ERC1: variants seen among roughly 807,000 people sequenced by gnomAD.
ERC1 encodes the protein ELKS/RAB6-interacting/CAST family member 1.
In ERC1, 56 loss-of-function variants were observed where a neutral mutation model predicts 132.0. The observed-to-expected ratio is 0.42, with a 90% CI of 0.34 to 0.53. The LOEUF is 0.53. Among genes scored for constraint, ERC1 ranks in the 20% least tolerant of loss-of-function variants. ERC1 has a pLI of 0.03. For synonymous variants in ERC1, 478 were observed against 476.1 expected (o/e 1.00, Z -0.05); for missense variants, 1,202 against 1,349.9 (o/e 0.89, Z 1.72).
At chr12:1,013,280 A>G (rs1415943130) in intron 1 of ERC1, among the ~76,000 whole-genome samples, 1 of 152,294 alleles carries the variant, frequency 6.6e-6, no homozygotes, top group South Asian at 2.1e-4. Context: ...CTGGAGAACA[A>G]CTATGATTAA....
intron 18 of ERC1, among the ~76,000 whole-genome samples, chr12:1,466,380 A>C (rs1451833448): frequency 6.6e-6 from 1 of 152,100 alleles, no homozygotes; most frequent in Non-Finnish European, 1.5e-5. Context: ...ATTTTAACTT[A>C]ATCGCCTCTT....
chr12:1,007,540 C>CTCTCTCTCTCTCTCTCTGTGTGTG (rs1555194875), intron 1 of ERC1, among the ~76,000 whole-genome samples: 17 of 122,780 alleles, frequency 1.4e-4, no homozygotes, highest in African/African-American at 3.0e-4. Flanking sequence ...CTCTCTCTCT[C>CTCTCTCTCTCTCTCTCTGTGTGTG]TGTGTGTGTG....
intron 1 of ERC1, among the ~76,000 whole-genome samples, chr12:1,011,981 T>G (rs566728338): frequency 3.3e-5 from 5 of 152,124 alleles, no homozygotes; most frequent in Non-Finnish European, 4.4e-5. Context: ...TATTGTGTTA[T>G]AAACGTTTTT....
At position 1,259,808 on chromosome 12, in the gene ERC1, C is replaced by G. The variant is rs531883385; in HGVS notation, c.2488-3226C>G. Among the ~76,000 whole-genome samples the G allele has an allele frequency of 6.0e-4, 92 of 152,320 alleles. 1 individual carries two copies. The highest frequency in any genetic ancestry group is 2.1e-3 in the African/African-American group (88 of 41,576). ...AAAGTGCTGGGATTGCAGGCGTGAG[C>G]CACCACGCCCTGCTTTCTTGGGTAT... On this transcript the variant is annotated intron_variant, in intron 13 of 18. Transcript: ENST00000360905.
At chr12:1,160,979 AT>A (rs1566113528) in intron 8 of ERC1, among the ~76,000 whole-genome samples, 1 of 152,214 alleles carries the variant, frequency 6.6e-6, no homozygotes, top group Non-Finnish European at 1.5e-5. Context: ...GTTCTAAGCA[AT>A]GTATGCACTG....
chr12:1,460,971 T>TTTTTTTTTTTC (rs2093633054), intron 18 of ERC1, among the ~76,000 whole-genome samples: 1 of 142,000 alleles, frequency 7.0e-6, no homozygotes, highest in African/African-American at 2.6e-5. Context: ...TTTTTTTTTT[T>TTTTTTTTTTTC]TTTTTTTTTT....
chr12:1,202,726 AAAATT>A (rs1957025548), intron 12 of ERC1, among the ~76,000 whole-genome samples: 1 of 152,196 alleles, frequency 6.6e-6, no homozygotes, highest in African/African-American at 2.4e-5. Context: ...AAAGTAGGTA[AAAATT>A]AAATTAATAA....
chr12:1,440,436 G>C (rs574940690), intron 17 of ERC1, among the ~76,000 whole-genome samples: 1 of 149,858 alleles, frequency 6.7e-6, no homozygotes, highest in African/African-American at 2.5e-5. Context: ...TCGATCTCCT[G>C]ACCTCGTGAT....
chr12:1,439,956 G>T (rs546563222), intron 17 of ERC1, among the ~76,000 whole-genome samples: 1 of 152,148 alleles, frequency 6.6e-6, no homozygotes, highest in East Asian at 1.9e-4. Flanking sequence ...CATGTGTTCC[G>T]AGAGGCTTAA....
At chr12:1,063,024 G>A (rs1010225592) in intron 2 of ERC1, among the ~76,000 whole-genome samples, 10 of 151,882 alleles carry the variant, frequency 6.6e-5, no homozygotes, top group East Asian at 5.8e-4. Context: ...TCCTTCATGC[G>A]TCTGGTTTCC....
intron 2 of ERC1, among the ~76,000 whole-genome samples, chr12:1,059,069 T>C (rs1038994429): frequency 1.1e-4 from 16 of 152,344 alleles, no homozygotes; most frequent in African/African-American, 3.8e-4. Context: ...TGGTTCAATT[T>C]ATTCTTAGAG....
chr12:1,183,243 T>A lies in ERC1; in HGVS notation c.2017-38T>A, dbSNP rs539808975. ...TAAAAATTTAAACCTCTATTTTTTT[T>A]AAAATTATTTATTCTAGATGTGTGT... On this transcript the variant is annotated intron_variant, in intron 10 of 18. Coordinates refer to ENST00000360905, the MANE Select transcript of ERC1 (RefSeq NM_178040.4). 1.4e-4 allele frequency: 197 copies of A among 1,401,910 alleles called. 1 individual carries two copies. Among genetic ancestry groups the A allele is most frequent in the South Asian group, 5.4e-4 (33 of 60,864 alleles). 86.8% of individuals were successfully genotyped at this position (1,401,910 alleles called of 1,614,324 possible). A position where few individuals can be genotyped will look rare whatever the true frequency, so the allele number is the denominator to read the frequency against.
At chr12:1,172,009 TTTTC>T (rs1953115936) in intron 8 of ERC1, among the ~76,000 whole-genome samples, 1 of 152,206 alleles carries the variant, frequency 6.6e-6, no homozygotes, top group Non-Finnish European at 1.5e-5. Flanking sequence ...TTTTATCAGT[TTTTC>T]TTTCTTGTTG....
At chr12:1,487,532 G>A (rs1356402688) in intron 18 of ERC1, among the ~76,000 whole-genome samples, 29 of 48,778 alleles carry the variant, frequency 5.9e-4, no homozygotes, top group Admixed American at 2.0e-3. Flanking sequence ...TAGTTAGACC[G>A]CACCTCTAAA....
intron 17 of ERC1, among the ~76,000 whole-genome samples, chr12:1,413,917 A>G (rs2091976808): frequency 6.6e-6 from 1 of 152,204 alleles, no homozygotes; most frequent in Admixed American, 6.5e-5. Context: ...TTCGTGGAAG[A>G]CAGTTTTTCC....
chr12:1,358,690 C>T (rs548729920), intron 15 of ERC1, among the ~76,000 whole-genome samples: 11 of 152,236 alleles, frequency 7.2e-5, no homozygotes, highest in African/African-American at 2.2e-4. Flanking sequence ...TCTCCACAGC[C>T]GCTGACCTAT....
chr12:1,202,141 T>C (rs1956969616), intron 12 of ERC1, among the ~76,000 whole-genome samples: 1 of 152,186 alleles, frequency 6.6e-6, no homozygotes, highest in East Asian at 1.9e-4. Flanking sequence ...ATGAATATCA[T>C]AGACTTCCTT....
chr12:1,121,763 A>ATCTCTATCTCTATCTATC lies in ERC1; in HGVS notation c.1569+5733_1569+5734insCTATCTCTATCTATCTCT. ...TCTATCTATCTCTATCTCTATCTCT[A>ATCTCTATCTCTATCTATC]TCTATCTCTATCTCTATCTATCTCT... On this transcript the variant is annotated intron_variant, in intron 7 of 18. Coordinates refer to ENST00000360905, the MANE Select transcript of ERC1 (RefSeq NM_178040.4). Among the ~76,000 whole-genome samples the ATCTCTATCTCTATCTATC allele has an allele frequency of 2.8e-3, 15 of 5,386 alleles. 6 individuals are homozygous for ATCTCTATCTCTATCTATC. The highest frequency in any genetic ancestry group is 5.0e-3 in the African/African-American group (15 of 3,030). 3.5% of individuals were successfully genotyped at this position (5,386 alleles called of 152,430 possible).
intron 1 of ERC1, among the ~76,000 whole-genome samples, chr12:1,001,669 G>A (rs1962313278): frequency 6.6e-6 from 1 of 152,058 alleles, no homozygotes; most frequent in Non-Finnish European, 1.5e-5. Context: ...ATTCATGTCT[G>A]GCTTTGACTC....
Sources: allele counts gnomAD v4.1 joint callset (sites outside exome capture counted in the v4.1 genomes callset), GRCh38; gene constraint gnomAD v4.1.1; transcripts MANE v1.5; gene names NCBI Gene and HGNC (gene_info 2026-07-23, HGNC 2026-07-21).